The following DMD variants were observed in gnomAD, a reference collection of about 807,000 sequenced individuals.
DMD encodes the protein dystrophin.
A neutral mutation model predicts 330.1 loss-of-function variants in DMD; 63 were observed. That is an observed-to-expected ratio of 0.19 (90% CI 0.16 to 0.24). The LOEUF (loss-of-function observed/expected upper bound fraction) is 0.24, where lower values mean the gene tolerates loss of function less well. Among genes scored for constraint, DMD ranks in the 10% least tolerant of loss-of-function variants. The probability of loss-of-function intolerance (pLI) is 1.00; values close to 1 mark genes in which losing one functional copy is unlikely to be tolerated. For missense variants in DMD, 3,344 were observed against 2,684.1 expected (o/e 1.25, Z -5.43); for synonymous variants, 1,223 against 959.8 (o/e 1.27, Z -5.07).
rs190679411 is a variant in DMD, at chrX:31,983,867, G to A, written c.6439-15353C>T. ...GTGTTATTATTCCTAGGGTAAAGAC[G>A]AGGAATTGGGGGTCTAAATATTTGT... On this transcript the variant is annotated intron_variant, in intron 44 of 78. Coordinates refer to ENST00000357033, the MANE Select transcript of DMD (RefSeq NM_004006.3). 1.9e-3 allele frequency among the ~76,000 whole-genome samples: 216 copies of A among 111,780 alleles called. 1 individual carries two copies. The highest frequency in any genetic ancestry group is 2.7e-3 in the Non-Finnish European group (143 of 53,079).
chrX:32,496,949 G>A (rs192823672), intron 19 of DMD, among the ~76,000 whole-genome samples: 86 of 112,158 alleles, frequency 7.7e-4, no homozygotes, highest in Admixed American at 4.7e-3. Context: ...ACTACAAGTG[G>A]TACAGTCTCC....
At chrX:31,992,854 A>G (rs2095559983) in intron 44 of DMD, among the ~76,000 whole-genome samples, 1 of 112,002 alleles carries the variant, frequency 8.9e-6, no homozygotes, top group African/African-American at 3.2e-5. Flanking sequence ...AAAATCTACA[A>G]TACAAAGCCA....
chrX:31,412,186 CAAAAAAA>C (rs764012481), intron 60 of DMD, among the ~76,000 whole-genome samples: 1 of 43,809 alleles, frequency 2.3e-5, no homozygotes, highest in East Asian at 9.1e-4. Context: ...ACTCTTGTCT[CAAAAAAA>C]AAAAAAAAAA....
intron 41 of DMD, among the ~76,000 whole-genome samples, chrX:32,323,789 G>T (rs2097634472): frequency 9.0e-6 from 1 of 111,391 alleles, no homozygotes; most frequent in Non-Finnish European, 1.9e-5. Context: ...CAAGGGATAA[G>T]AGTAAATAAA....
At chrX:31,375,380 T>C (rs1014298952) in intron 60 of DMD, among the ~76,000 whole-genome samples, 1 of 111,365 alleles carries the variant, frequency 9.0e-6, no homozygotes, top group Non-Finnish European at 1.9e-5. Flanking sequence ...CTTCCCAGTA[T>C]GACAATAATC....
At position 32,649,462 on chromosome X, in the gene DMD, A is replaced by G. The variant is rs185242412; in HGVS notation, c.961-4310T>C. Reference sequence around the variant, plus strand: ...CAGTTACTCGGGAGGCTGAGGTAGGAGGAGAAAGGCGTGAACCCGGGAGGC... The same window carrying G: ...CAGTTACTCGGGAGGCTGAGGTAGGGGGAGAAAGGCGTGAACCCGGGAGGC... On this transcript the variant is annotated intron_variant, in intron 9 of 78. Coordinates refer to ENST00000357033, the MANE Select transcript of DMD (RefSeq NM_004006.3). Among the ~76,000 whole-genome samples the G allele has an allele frequency of 3.6e-4, 38 of 105,440 alleles. No individual in the cohort carries two copies. The East Asian group carries it at 0.011, about 30-fold the overall frequency. The allele number at this position is 105,440 out of a possible 115,157, so 91.6% of individuals were successfully genotyped here.
intron 2 of DMD, among the ~76,000 whole-genome samples, chrX:32,980,306 C>T (rs2092670644): frequency 1.1e-5 from 1 of 92,030 alleles, no homozygotes. Flanking sequence ...GCGGAGGTTG[C>T]AGTGAACCGA....
intron 55 of DMD, among the ~76,000 whole-genome samples, chrX:31,524,150 G>A (rs1381855127): frequency 8.9e-6 from 1 of 112,132 alleles, no homozygotes; most frequent in Non-Finnish European, 1.9e-5. Flanking sequence ...CCGCTGAGCT[G>A]GAGAGCAGAA....
rs201249837 is a variant in DMD, at chrX:32,600,598, G to GCACACACA, written c.1483-4730_1483-4723dup. Among the ~76,000 whole-genome samples, 426 of 95,278 alleles carry GCACACACA rather than the reference G, an allele frequency of 4.5e-3. 2 individuals are homozygous for GCACACACA. The highest frequency in any genetic ancestry group is 0.011 in the African/African-American group (287 of 26,225). 82.7% of individuals were successfully genotyped at this position (95,278 alleles called of 115,157 possible). ...GTCACACACACACAAACACGCACAC[G>GCACACACA]CACACACACACACACACACACACAC... On this transcript the variant is annotated intron_variant, in intron 12 of 78. Coordinates refer to ENST00000357033, the MANE Select transcript of DMD (RefSeq NM_004006.3).
chrX:31,341,891 G>GCGCGCGCGCGCGCGCACACACACACA (rs374298104), intron 61 of DMD, among the ~76,000 whole-genome samples: 9 of 98,876 alleles, frequency 9.1e-5, no homozygotes, highest in African/African-American at 2.9e-4. Context: ...GTGCGCGCGC[G>GCGCGCGCGCGCGCGCACACACACACA]CACACACACA....
chrX:32,454,061 T>C (rs1180498440), intron 26 of DMD, among the ~76,000 whole-genome samples: 4 of 110,526 alleles, frequency 3.6e-5, no homozygotes, highest in East Asian at 5.7e-4. Flanking sequence ...CCCAAGGCCA[T>C]ACGAAATGCC....
At chrX:31,930,708 G>A (rs533535860) in intron 46 of DMD, among the ~76,000 whole-genome samples, 1 of 112,111 alleles carries the variant, frequency 8.9e-6, no homozygotes, top group East Asian at 2.8e-4. Context: ...AGTTCTATTT[G>A]AAAGCACTGA....
intron 44 of DMD, among the ~76,000 whole-genome samples, chrX:32,137,531 G>C (rs1300217648): frequency 4.5e-5 from 5 of 111,505 alleles, no homozygotes; most frequent in Non-Finnish European, 5.6e-5. Context: ...CATTAACAGG[G>C]GATGGCCTTT....
At chrX:32,854,674 CCAA>C (rs749884367) in intron 2 of DMD, among the ~76,000 whole-genome samples, 12 of 109,845 alleles carry the variant, frequency 1.1e-4, no homozygotes, top group East Asian at 8.6e-4. Context: ...CCCGAACAGA[CCAA>C]CAACAAGTAA....
chrX:31,353,780 G>T (rs1373226532), intron 60 of DMD, among the ~76,000 whole-genome samples: 1 of 111,676 alleles, frequency 9.0e-6, no homozygotes, highest in African/African-American at 3.3e-5. Flanking sequence ...GAAAGGAAAG[G>T]GAAGTGAGAC....
chrX:32,144,484 T>C (rs774216711), intron 44 of DMD, among the ~76,000 whole-genome samples: 2 of 111,884 alleles, frequency 1.8e-5, no homozygotes, highest in Non-Finnish European at 3.8e-5. Context: ...AAGTTGCCTC[T>C]AATTCGTTTA....
At chrX:32,603,593 AAATT>A (rs1454874103) in intron 12 of DMD, among the ~76,000 whole-genome samples, 1 of 111,547 alleles carries the variant, frequency 9.0e-6, no homozygotes, top group African/African-American at 3.2e-5. Flanking sequence ...AAGATAAACA[AAATT>A]AATAGGCCAC....
chrX:32,150,331 G>T (rs999776401), intron 44 of DMD, among the ~76,000 whole-genome samples: 4 of 112,409 alleles, frequency 3.6e-5, no homozygotes, highest in Non-Finnish European at 7.5e-5. Flanking sequence ...AGGATGGAAT[G>T]TAATACTGTG....
rs189351449 is a variant in DMD at position 33,102,408 on chromosome X, T to C, written c.32-82208A>G. 4.1e-3 allele frequency among the ~76,000 whole-genome samples: 450 copies of C among 110,136 alleles called. 4 individuals carry two copies. The highest frequency in any genetic ancestry group is 0.014 in the African/African-American group (431 of 30,314). On this transcript the variant is annotated intron_variant, in intron 1 of 78. Transcript: ENST00000357033. ...TTGGATTTCTGGGAATTAAAGGCAA[T>C]GTTATTTGACAAAGTTCTAATTAAC...
Sources: allele counts gnomAD v4.1 joint callset (sites outside exome capture counted in the v4.1 genomes callset), GRCh38; gene constraint gnomAD v4.1.1; transcripts MANE v1.5; gene names NCBI Gene and HGNC (gene_info 2026-07-23, HGNC 2026-07-21).